Variants in EPHA3 observed in about 807,000 individuals in gnomAD.
EPHA3 encodes the protein EPH receptor A3, also known as ephrin type-A receptor 3.
Under a neutral mutation model 107.1 loss-of-function variants are expected in EPHA3, and 42 were observed. The observed-to-expected ratio is 0.39, with a 90% CI of 0.31 to 0.51. The LOEUF is 0.51. Ranked by LOEUF, EPHA3 falls within the 20% of genes least tolerant of loss-of-function variation. EPHA3 has a pLI of 0.78. For missense variants in EPHA3, 1,183 were observed against 1,211.2 expected (o/e 0.98, Z 0.35); for synonymous variants, 461 against 424.8 (o/e 1.09, Z -1.05).
At chr3:89,390,785 A>ATTTTTTTTT (rs528841771) in intron 5 of EPHA3, among the ~76,000 whole-genome samples, 51 of 132,126 alleles carry the variant, frequency 3.9e-4, no homozygotes, top group Non-Finnish European at 4.0e-4. Flanking sequence ...ATTGAAAAGC[A>ATTTTTTTTT]TTTTTTTTTT....
intron 3 of EPHA3, among the ~76,000 whole-genome samples, chr3:89,236,152 T>C (rs1704755409): frequency 6.6e-6 from 1 of 152,120 alleles, no homozygotes; most frequent in South Asian, 2.1e-4. Flanking sequence ...ATTGTAGGAA[T>C]ATAAATGTTT....
Position 89,226,902 on chromosome 3 carries a change from T to C in EPHA3, c.814+16382T>C, listed in dbSNP as rs544289014. ...ACTAAAATCCTTCATATACATTCCA[T>C]TGCATAAGATTGTTGAGTATAAAGT... On this transcript the variant is annotated intron_variant, in intron 3 of 16. Transcript: ENST00000336596. 3.3e-5 allele frequency among the ~76,000 whole-genome samples: 5 copies of C among 152,188 alleles called. No individual in the cohort carries two copies. The South Asian group carries it at 1.0e-3, about 32-fold the overall frequency.
chr3:89,383,440 T>C (rs1323138964), intron 5 of EPHA3, among the ~76,000 whole-genome samples: 2 of 152,120 alleles, frequency 1.3e-5, no homozygotes, highest in Non-Finnish European at 2.9e-5. Flanking sequence ...TTGCCTCTAA[T>C]TAAAAGTGAC....
At chr3:89,211,680 CCT>C (rs1232481233) in intron 3 of EPHA3, among the ~76,000 whole-genome samples, 4 of 143,058 alleles carry the variant, frequency 2.8e-5, no homozygotes, top group African/African-American at 7.6e-5. Context: ...TCCTCCTCCT[CCT>C]CTCTCTCCTC....
intron 1 of EPHA3, among the ~76,000 whole-genome samples, chr3:89,115,111 T>C (rs1454449670): frequency 6.6e-6 from 1 of 152,168 alleles, no homozygotes; most frequent in African/African-American, 2.4e-5. Flanking sequence ...CTGGGTGCGC[T>C]TGGTTGAGAC....
intron 3 of EPHA3, among the ~76,000 whole-genome samples, chr3:89,305,206 A>G (rs1192399858): frequency 6.6e-6 from 1 of 152,158 alleles, no homozygotes; most frequent in African/African-American, 2.4e-5. Flanking sequence ...TATTAAAATC[A>G]TCTTCCTATT....
At chr3:89,332,884 C>T (rs1440153367) in intron 3 of EPHA3, among the ~76,000 whole-genome samples, 2 of 151,798 alleles carry the variant, frequency 1.3e-5, no homozygotes, top group Non-Finnish European at 1.5e-5. Flanking sequence ...TTGAAATGAG[C>T]CTTTTAACCC....
chr3:89,303,229 T>G (rs776854654), intron 3 of EPHA3, among the ~76,000 whole-genome samples: 36 of 152,094 alleles, frequency 2.4e-4, no homozygotes, highest in Non-Finnish European at 4.6e-4. Flanking sequence ...TTTCTTGCGT[T>G]TTAAAATAAT....
intron 1 of EPHA3, among the ~76,000 whole-genome samples, chr3:89,115,468 T>C (rs960632645): frequency 3.3e-5 from 5 of 152,138 alleles, no homozygotes; most frequent in Non-Finnish European, 4.4e-5. Flanking sequence ...GAGAGGGTTT[T>C]TGGGAGCTGT....
intron 5 of EPHA3, among the ~76,000 whole-genome samples, chr3:89,346,597 T>C (rs1050224652): frequency 1.5e-4 from 22 of 150,582 alleles, no homozygotes; most frequent in Non-Finnish European, 2.7e-4. Context: ...TAGTTTCTTT[T>C]GCTGTGCAGA....
chr3:89,342,985 TG>T (rs772852844), intron 5 of EPHA3, among the ~76,000 whole-genome samples: 19 of 152,146 alleles, frequency 1.2e-4, no homozygotes, highest in Non-Finnish European at 2.5e-4. Context: ...CTCTCCCAGG[TG>T]GGGTCACCTC....
At chr3:89,331,900 T>C (rs1251677534) in intron 3 of EPHA3, among the ~76,000 whole-genome samples, 1 of 152,084 alleles carries the variant, frequency 6.6e-6, no homozygotes, top group African/African-American at 2.4e-5. Context: ...TGTTCTGATA[T>C]TTAACAAAAC....
intron 14 of EPHA3, among the ~76,000 whole-genome samples, 166 bp from the exon 15 acceptor site, chr3:89,450,011 G>T (rs115429672): frequency 6.6e-6 from 1 of 151,736 alleles, no homozygotes; most frequent in East Asian, 1.9e-4. Context: ...CATACATAAC[G>T]TCTTATTTAT....
chr3:89,316,656 A>G (rs1423314060), intron 3 of EPHA3, among the ~76,000 whole-genome samples: 1 of 150,856 alleles, frequency 6.6e-6, no homozygotes, highest in Non-Finnish European at 1.5e-5. Flanking sequence ...TAAATATGCT[A>G]CAGTTTTCTC....
intron 3 of EPHA3, among the ~76,000 whole-genome samples, chr3:89,217,489 T>C (rs1452662089): frequency 1.3e-5 from 2 of 152,166 alleles, no homozygotes; most frequent in Non-Finnish European, 2.9e-5. Flanking sequence ...TCATGTTAAC[T>C]GTCCTTTAGA....
At chr3:89,430,481 A>G (rs1284075851) in intron 12 of EPHA3, among the ~76,000 whole-genome samples, 1 of 152,130 alleles carries the variant, frequency 6.6e-6, no homozygotes, top group Non-Finnish European at 1.5e-5. Flanking sequence ...TTCTTTCAAA[A>G]TTATCGTTTG....
intron 2 of EPHA3, among the ~76,000 whole-genome samples, chr3:89,159,446 A>G (rs1379863594): frequency 6.6e-6 from 1 of 152,098 alleles, no homozygotes; most frequent in Non-Finnish European, 1.5e-5. Flanking sequence ...AAGTCCCTGT[A>G]ATTACCACCA....
At chr3:89,281,499 GC>G (rs1384418295) in intron 3 of EPHA3, among the ~76,000 whole-genome samples, 2 of 152,024 alleles carry the variant, frequency 1.3e-5, no homozygotes, top group African/African-American at 4.8e-5. Flanking sequence ...TTGATACTGT[GC>G]CCTAAAATAT....
chr3:89,285,424 C>G (rs867220511), intron 3 of EPHA3, among the ~76,000 whole-genome samples: 2 of 152,070 alleles, frequency 1.3e-5, no homozygotes, highest in Non-Finnish European at 2.9e-5. Context: ...TATACCCTAA[C>G]AGAAAAGAGA....
Sources: gnomAD v4.1 joint callset for allele counts (sites outside exome capture counted in the v4.1 genomes callset) on GRCh38, gnomAD v4.1.1 for gene constraint, MANE v1.5 for transcripts, NCBI Gene and HGNC (gene_info 2026-07-23, HGNC 2026-07-21) for gene names.